The following RBFOX1 variants were observed in gnomAD, a reference collection of about 807,000 sequenced individuals.
RBFOX1 encodes RNA binding fox-1 homolog 1, also known as RNA binding protein fox-1 homolog 1.
RBFOX1 carries 8 observed loss-of-function variants against 57.7 expected under a neutral mutation model. That is an observed-to-expected ratio of 0.14 (90% CI 0.08 to 0.25). The LOEUF is 0.25. Ranked by LOEUF, RBFOX1 falls within the 10% of genes least tolerant of loss-of-function variation. RBFOX1 has a pLI of 1.00. For synonymous variants in RBFOX1, 326 were observed against 222.4 expected, an observed-to-expected ratio of 1.47 and a Z score of -4.15; for missense variants, 611 against 548.5, an observed-to-expected ratio of 1.11 and a Z score of -1.14.
In RBFOX1 at chr16:6,995,289, C is replaced by CG. The variant is rs1568280376; in HGVS notation, c.-15-56768_-15-56767insG. Among the ~76,000 whole-genome samples, 80 of 62,158 alleles carry CG rather than the reference C, an allele frequency of 1.3e-3. No homozygotes were observed. The Middle Eastern group carries it at 0.086, about 67-fold the overall frequency. The allele number at this position is 62,158 out of a possible 152,430, so 40.8% of individuals were successfully genotyped here. ...AAAATGACTATGATCTGAAAGTAGC[C>CG]TTGTGTGTGTGTGTGTGTGTGTGTG... On this transcript the variant is annotated intron_variant, in intron 3 of 15. Coordinates refer to ENST00000550418, the MANE Select transcript of RBFOX1 (RefSeq NM_018723.4).
In RBFOX1 at chr16:6,142,376, C is replaced by T. The variant is rs374640345; in HGVS notation, c.-127+122384C>T. Reference sequence around the variant, plus strand: ...AGCTGGGACTACAGGCGCCCGCCTCCGCACGTGGCTAATTTTTTGTATTTT... The same window carrying T: ...AGCTGGGACTACAGGCGCCCGCCTCTGCACGTGGCTAATTTTTTGTATTTT... On this transcript the variant is annotated intron_variant, in intron 1 of 15. Transcript: ENST00000550418. 1.1e-4 allele frequency among the ~76,000 whole-genome samples: 17 copies of T among 151,646 alleles called. No individual in the cohort carries two copies. The East Asian group carries it at 2.4e-3, about 21-fold the overall frequency.
chr16:7,175,186 A>G (rs72765565), intron 4 of RBFOX1, among the ~76,000 whole-genome samples: 40,679 of 150,008 alleles, frequency 0.27, 6,672 homozygotes, highest in East Asian at 0.55. Flanking sequence ...TTTTCCTAAT[A>G]CTCTTCCTCC....
intron 10 of RBFOX1, among the ~76,000 whole-genome samples, chr16:7,612,399 C>G (rs1332463888): frequency 6.8e-6 from 1 of 147,456 alleles, no homozygotes; most frequent in Admixed American, 6.8e-5. Context: ...GTCATGAAGT[C>G]TTTGGCCAAT....
chr16:6,309,660 C>T (rs548371938), intron 1 of RBFOX1, among the ~76,000 whole-genome samples: 1 of 151,252 alleles, frequency 6.6e-6, no homozygotes. Flanking sequence ...CAAAGGGAGG[C>T]GGTGTGTGGG....
At chr16:7,480,841 A>C (rs1169164666) in intron 4 of RBFOX1, among the ~76,000 whole-genome samples, 3 of 152,160 alleles carry the variant, frequency 2.0e-5, no homozygotes, top group Non-Finnish European at 4.4e-5. Flanking sequence ...GGGAATTGAA[A>C]CAGCCTCTTG....
chr16:6,930,042 C>G (rs1023890142), intron 3 of RBFOX1, among the ~76,000 whole-genome samples: 2 of 152,264 alleles, frequency 1.3e-5, no homozygotes, highest in Middle Eastern at 6.8e-3. Context: ...CCTTGCTTAT[C>G]CCCTCTCTCC....
At chr16:6,575,058 A>C (rs1354766234) in intron 2 of RBFOX1, among the ~76,000 whole-genome samples, 1 of 139,120 alleles carries the variant, frequency 7.2e-6, no homozygotes, top group African/African-American at 2.5e-5. Flanking sequence ...AAAAAAAAAA[A>C]AAAACAGCAT....
In RBFOX1 at chr16:6,787,656, G is replaced by C. The variant is rs192447321; in HGVS notation, c.-16+133006G>C. On this transcript the variant is annotated intron_variant, in intron 3 of 15. Coordinates refer to ENST00000550418, the MANE Select transcript of RBFOX1 (RefSeq NM_018723.4). ...AGGTTTTGAAGACACGTTATTACAA[G>C]ATGAAAGAGATTGCATCCCTGAGTG... 2.8e-4 allele frequency among the ~76,000 whole-genome samples: 43 copies of C among 152,248 alleles called. No individual in the cohort carries two copies. In the East Asian group the frequency reaches 5.0e-3, roughly 18 times the overall value.
chr16:7,303,760 G>GCTCTCTCT (rs145673482), intron 4 of RBFOX1, among the ~76,000 whole-genome samples: 20 of 139,970 alleles, frequency 1.4e-4, no homozygotes, highest in Non-Finnish European at 2.5e-4. Flanking sequence ...CCTCCCTCTC[G>GCTCTCTCT]CTCTCTCTCT....
chr16:5,377,858 A>G (rs951938728), intron 1 of RBFOX1, among the ~76,000 whole-genome samples: 6 of 151,658 alleles, frequency 4.0e-5, no homozygotes, highest in African/African-American at 7.3e-5. Flanking sequence ...CAAGTTTAAA[A>G]CACAATCACA....
chr16:5,648,996 G>T (rs1318675891), intron 3 of RBFOX1, among the ~76,000 whole-genome samples: 1 of 151,860 alleles, frequency 6.6e-6, no homozygotes, highest in Non-Finnish European at 1.5e-5. Context: ...CCTAGGAGGT[G>T]GAGGTTGCAG....
chr16:7,052,541 G>C (rs2050470184), intron 4 of RBFOX1, among the ~76,000 whole-genome samples: 1 of 152,134 alleles, frequency 6.6e-6, no homozygotes, highest in African/African-American at 2.4e-5. Flanking sequence ...GGGAGAATTT[G>C]TGTTATCTAT....
rs373755391 is a variant in RBFOX1, at chr16:6,646,815, G to T, written c.-63-7788G>T. Among the ~76,000 whole-genome samples, 8 of 152,226 alleles carry T rather than the reference G, an allele frequency of 5.3e-5. No homozygotes were observed. The South Asian group carries it at 1.5e-3, about 28-fold the overall frequency. On this transcript the variant is annotated intron_variant, in intron 2 of 15. Transcript: ENST00000550418. ...CAGACAAATTCAAGGAGAGTTTTTAGTAAGAGTGAGGGGTGTTTTTCCTGA... is the reference window on the plus strand; with the variant it reads ...CAGACAAATTCAAGGAGAGTTTTTATTAAGAGTGAGGGGTGTTTTTCCTGA...
chr16:5,825,852 G>T (rs5009600), intron 3 of RBFOX1, among the ~76,000 whole-genome samples: 6,184 of 44,692 alleles, frequency 0.14, 16 homozygotes, highest in African/African-American at 0.29. Flanking sequence ...ATAATATTCC[G>T]TAATATGAAT....
At chr16:5,334,552 G>A (rs926637083) in intron 1 of RBFOX1, among the ~76,000 whole-genome samples, 1 of 151,994 alleles carries the variant, frequency 6.6e-6, no homozygotes, top group Non-Finnish European at 1.5e-5. Flanking sequence ...AGGAACAGAA[G>A]GAACAGGAGA....
At chr16:6,842,818 A>G (rs551565006) in intron 3 of RBFOX1, among the ~76,000 whole-genome samples, 2 of 151,668 alleles carry the variant, frequency 1.3e-5, no homozygotes, top group African/African-American at 4.8e-5. Flanking sequence ...CTCTCCCTCC[A>G]TGTTCCCCCA....
intron 1 of RBFOX1, among the ~76,000 whole-genome samples, chr16:5,342,983 C>G (rs191888759): frequency 6.6e-6 from 1 of 152,108 alleles, no homozygotes; most frequent in Non-Finnish European, 1.5e-5. Context: ...CTCCAGTGAT[C>G]GGTTCAGGGT....
intron 13 of RBFOX1, among the ~76,000 whole-genome samples, chr16:7,673,079 A>G (rs557703734): frequency 6.6e-6 from 1 of 151,840 alleles, no homozygotes; most frequent in Non-Finnish European, 1.5e-5. Flanking sequence ...TTACTTTCCT[A>G]TGCACTCCAG....
intron 1 of RBFOX1, chr16:5,261,167 C>T (rs1721847112): frequency 6.6e-6 from 1 of 152,170 alleles, no homozygotes; most frequent in South Asian, 2.1e-4. Flanking sequence ...CGTCTACTTC[C>T]TACAGTCCCT....
Sources: allele counts gnomAD v4.1 joint callset (sites outside exome capture counted in the v4.1 genomes callset), GRCh38; gene constraint gnomAD v4.1.1; transcripts MANE v1.5; gene names NCBI Gene and HGNC (gene_info 2026-07-23, HGNC 2026-07-21).